The following CHRM3 variants were observed in gnomAD, a reference collection of about 807,000 sequenced individuals.
CHRM3 encodes the protein muscarinic acetylcholine receptor M3.
CHRM3 carries 11 observed loss-of-function variants against 41.8 expected under a neutral mutation model. The observed-to-expected ratio is 0.26, with a 90% CI of 0.17 to 0.44. The LOEUF is 0.44. Ranked by LOEUF, CHRM3 falls within the 20% of genes least tolerant of loss-of-function variation. The pLI, the probability that CHRM3 is intolerant of heterozygous loss-of-function variation, is 1.00. For missense variants in CHRM3, 571 were observed against 745.4 expected, an observed-to-expected ratio of 0.77 and a Z score of 2.72; for synonymous variants, 297 against 301.4, an observed-to-expected ratio of 0.99 and a Z score of 0.15.
chr1:239,850,651 C>A (rs1306299931), intron 6 of CHRM3, among the ~76,000 whole-genome samples: 2 of 152,152 alleles, frequency 1.3e-5, no homozygotes, highest in Non-Finnish European at 2.9e-5. Context: ...TCGGGAGGGA[C>A]CTCCTGGGAG....
chr1:239,620,460 A>T (rs1351495331), intron 3 of CHRM3, among the ~76,000 whole-genome samples: 1 of 152,124 alleles, frequency 6.6e-6, no homozygotes, highest in Non-Finnish European at 1.5e-5. Flanking sequence ...ATAGAGATAG[A>T]TAGGTAGGTA....
intron 3 of CHRM3, among the ~76,000 whole-genome samples, chr1:239,601,079 T>C (rs757198393): frequency 6.6e-6 from 1 of 152,202 alleles, no homozygotes. Flanking sequence ...AGGAATCCAG[T>C]GGAGAGGATT....
chr1:239,451,152 G>A (rs998818837), intron 1 of CHRM3, among the ~76,000 whole-genome samples: 6 of 152,026 alleles, frequency 3.9e-5, no homozygotes, highest in African/African-American at 1.2e-4. Flanking sequence ...TGAGCCCGGG[G>A]GTTGGAGGCT....
At chr1:239,530,665 C>T (rs553788841) in intron 2 of CHRM3, among the ~76,000 whole-genome samples, 12 of 152,056 alleles carry the variant, frequency 7.9e-5, no homozygotes, top group African/African-American at 2.9e-4. Context: ...GGAGAATATC[C>T]GTAAAGAGGC....
At chr1:239,753,896 A>G (rs968825531) in intron 5 of CHRM3, among the ~76,000 whole-genome samples, 1 of 152,212 alleles carries the variant, frequency 6.6e-6, no homozygotes, top group Non-Finnish European at 1.5e-5. Context: ...AGTAAACAGT[A>G]TATTCTGTTG....
intron 6 of CHRM3, among the ~76,000 whole-genome samples, chr1:239,848,193 A>T (rs1397325528): frequency 6.6e-6 from 1 of 152,202 alleles, no homozygotes; most frequent in Non-Finnish European, 1.5e-5. Context: ...TAATAAAATT[A>T]GCTCTGACTC....
chr1:239,398,483 GCCT>G (rs1396249330), intron 1 of CHRM3, among the ~76,000 whole-genome samples: 1 of 151,676 alleles, frequency 6.6e-6, no homozygotes, highest in Non-Finnish European at 1.5e-5. Context: ...TGATCTGCCC[GCCT>G]CGGCCTCCCA....
chr1:239,512,826 C>A (rs1413236336), intron 2 of CHRM3, among the ~76,000 whole-genome samples: 5 of 147,908 alleles, frequency 3.4e-5, no homozygotes, highest in Admixed American at 2.7e-4. Flanking sequence ...AAAAAAAAAA[C>A]TGTTAGAATC....
chr1:239,666,715 G>A (rs1573206472), intron 4 of CHRM3, among the ~76,000 whole-genome samples: 1 of 152,010 alleles, frequency 6.6e-6, no homozygotes, highest in Non-Finnish European at 1.5e-5. Flanking sequence ...GTACATATCA[G>A]GTTTGTTACC....
chr1:239,633,728 A>T (rs1263772097), intron 4 of CHRM3, among the ~76,000 whole-genome samples: 11 of 80,206 alleles, frequency 1.4e-4, no homozygotes, highest in African/African-American at 4.7e-5. Flanking sequence ...TCCCCCACCC[A>T]CCCCTTCTTG....
chr1:239,586,196 TAAGCTGAGTCAG>T (rs1663380358), intron 3 of CHRM3, among the ~76,000 whole-genome samples: 1 of 152,156 alleles, frequency 6.6e-6, no homozygotes, highest in South Asian at 2.1e-4. Context: ...TATCTGAGGC[TAAGCTGAGTCAG>T]AACTGACTGA....
chr1:239,606,958 A>C (rs1026424327), intron 3 of CHRM3, among the ~76,000 whole-genome samples: 4 of 152,082 alleles, frequency 2.6e-5, no homozygotes, highest in African/African-American at 9.7e-5. Context: ...TCCTCTAAGG[A>C]TGTGTTCTGG....
chr1:239,439,269 G>A (rs1252641601), intron 1 of CHRM3, among the ~76,000 whole-genome samples: 1 of 152,186 alleles, frequency 6.6e-6, no homozygotes, highest in Non-Finnish European at 1.5e-5. Flanking sequence ...TGTCAAGATA[G>A]TAACCATCTC....
At position 239,909,357 on chromosome 1, in the gene CHRM3, C is replaced by A; in HGVS notation, c.*133C>A. 1 of 839,590 alleles carries A rather than the reference C, an allele frequency of 1.2e-6. No homozygotes were observed. Among genetic ancestry groups the A allele is most frequent in the Non-Finnish European group, 1.8e-6 (1 of 549,638 alleles). 52.0% of individuals were successfully genotyped at this position (839,590 alleles called of 1,614,324 possible). A position where few individuals can be genotyped will look rare whatever the true frequency, so the allele number is the denominator to read the frequency against. On this transcript the variant is annotated 3_prime_UTR_variant, in exon 7 of 7. Coordinates refer to ENST00000676153, the MANE Select transcript of CHRM3 (RefSeq NM_001375978.1). The stretch of plus-strand genomic sequence containing the variant: ...ATCACCCAGATGTGAAAGAAGCTGC[C>A]TGTTTACTGATCCATTGAATAAACC...
intron 2 of CHRM3, among the ~76,000 whole-genome samples, chr1:239,537,707 T>A (rs1261907980): frequency 6.6e-6 from 1 of 152,230 alleles, no homozygotes; most frequent in Non-Finnish European, 1.5e-5. Context: ...TTTGCTCTTA[T>A]GGTCACTTAG....
chr1:239,730,641 A>C (rs1361153993), intron 5 of CHRM3, among the ~76,000 whole-genome samples: 4 of 151,976 alleles, frequency 2.6e-5, no homozygotes, highest in Non-Finnish European at 5.9e-5. Context: ...ATGTTCTAGG[A>C]GCTGCAAGTT....
intron 4 of CHRM3, among the ~76,000 whole-genome samples, chr1:239,673,929 A>C (rs1219652295): frequency 6.6e-6 from 1 of 152,168 alleles, no homozygotes; most frequent in African/African-American, 2.4e-5. Flanking sequence ...AACACTCCAA[A>C]ATCTAAAACA....
chr1:239,671,861 A>T (rs1674403334), intron 4 of CHRM3, among the ~76,000 whole-genome samples: 2 of 152,186 alleles, frequency 1.3e-5, no homozygotes, highest in Non-Finnish European at 2.9e-5. Context: ...AACTGATTAC[A>T]TCTAGCCTCA....
At chr1:239,408,300 C>A (rs1046748018) in intron 1 of CHRM3, 3 of 152,060 alleles carry the variant, frequency 2.0e-5, no homozygotes, top group African/African-American at 7.2e-5. Flanking sequence ...GTCAATTAAA[C>A]CTCTCTCCTT....
Sources: allele counts gnomAD v4.1 joint callset (sites outside exome capture counted in the v4.1 genomes callset), GRCh38; gene constraint gnomAD v4.1.1; transcripts MANE v1.5; gene names NCBI Gene and HGNC (gene_info 2026-07-23, HGNC 2026-07-21).